Variants in CNTN3 observed in about 807,000 individuals in gnomAD.
The protein encoded by CNTN3 is contactin 3, also known as contactin-3.
A neutral mutation model predicts 119.1 loss-of-function variants in CNTN3; 60 were observed. The observed-to-expected ratio is 0.50, with a 90% CI of 0.41 to 0.62. The LOEUF (loss-of-function observed/expected upper bound fraction) is 0.62, where lower values mean the gene tolerates loss of function less well. CNTN3 is among the 20% of genes least tolerant of loss of function. CNTN3 has a pLI of 0.00. For synonymous variants in CNTN3, 450 were observed against 438.7 expected (o/e 1.03, Z -0.32); for missense variants, 1,101 against 1,242.4 (o/e 0.89, Z 1.71).
intron 13 of CNTN3, 86 bp downstream of exon 13, chr3:74,334,649 A>G (rs1703344217): frequency 8.4e-7 from 1 of 1,185,582 alleles, no homozygotes. Flanking sequence ...TTTCTAGAGC[A>G]TTGTCTATAT....
At chr3:74,438,971 C>A (rs1309667266) in intron 4 of CNTN3, among the ~76,000 whole-genome samples, 1 of 152,166 alleles carries the variant, frequency 6.6e-6, no homozygotes, top group Non-Finnish European at 1.5e-5. Flanking sequence ...ACACTTCACC[C>A]TGCAACAACT....
At chr3:74,388,892 G>C (rs1306405010) in intron 5 of CNTN3, among the ~76,000 whole-genome samples, 1 of 151,992 alleles carries the variant, frequency 6.6e-6, no homozygotes, top group African/African-American at 2.4e-5. Flanking sequence ...CATTTCTTAT[G>C]TTAGTTACCA....
At chr3:74,613,370 G>A (rs988522553) in intron 1 of CNTN3, among the ~76,000 whole-genome samples, 6 of 150,542 alleles carry the variant, frequency 4.0e-5, no homozygotes, top group African/African-American at 1.5e-4. Flanking sequence ...CCTCCCTCCT[G>A]CACATCACGC....
chr3:74,569,916 T>A (rs1009403110), intron 1 of CNTN3, among the ~76,000 whole-genome samples: 14 of 152,040 alleles, frequency 9.2e-5, no homozygotes, highest in African/African-American at 3.4e-4. Context: ...GGTGGTTGGG[T>A]TGGACAAAGG....
At chr3:74,388,377 C>T (rs1303442069) in intron 5 of CNTN3, among the ~76,000 whole-genome samples, 4 of 151,956 alleles carry the variant, frequency 2.6e-5, no homozygotes, top group African/African-American at 2.4e-5. Context: ...GAGTGGCTTT[C>T]GAATCACTGA....
intron 20 of CNTN3, among the ~76,000 whole-genome samples, chr3:74,284,373 AT>A (rs1417542281): frequency 1.3e-5 from 2 of 152,116 alleles, no homozygotes; most frequent in Non-Finnish European, 2.9e-5. Flanking sequence ...TAAGAAAACA[AT>A]TTTCTGCAAG....
intron 1 of CNTN3, among the ~76,000 whole-genome samples, chr3:74,584,908 C>T (rs191127592): frequency 3.9e-4 from 60 of 152,206 alleles, no homozygotes; most frequent in African/African-American, 1.4e-3. Context: ...TTCCATCTTC[C>T]ATCATAATAT....
chr3:74,449,898 T>G (rs1702116367), intron 4 of CNTN3, among the ~76,000 whole-genome samples: 1 of 152,160 alleles, frequency 6.6e-6, no homozygotes, highest in South Asian at 2.1e-4. Flanking sequence ...ATTTTAATGT[T>G]CTGGACCATA....
At chr3:74,576,612 C>T (rs1346976839) in intron 1 of CNTN3, among the ~76,000 whole-genome samples, 1 of 151,988 alleles carries the variant, frequency 6.6e-6, no homozygotes, top group Non-Finnish European at 1.5e-5. Context: ...AGTGATCACA[C>T]TTATTCTATT....
intron 1 of CNTN3, among the ~76,000 whole-genome samples, chr3:74,555,566 A>G (rs1418628532): frequency 1.3e-5 from 2 of 152,158 alleles, no homozygotes; most frequent in Non-Finnish European, 2.9e-5. Context: ...TTGGTAGGCT[A>G]TTAATTATTG....
chr3:74,506,059 CA>C (rs377088076), intron 2 of CNTN3, among the ~76,000 whole-genome samples: 4 of 152,280 alleles, frequency 2.6e-5, no homozygotes, highest in African/African-American at 9.6e-5. Context: ...CCTTTCAAAG[CA>C]TGGAGATTTT....
In CNTN3 at chr3:74,369,255, A is replaced by T. The variant is rs765680438; in HGVS notation, c.880T>A (p.Ser294Thr). The T allele has an allele frequency of 2.5e-6, 4 of 1,611,434 alleles. No homozygotes were observed. Among genetic ancestry groups the T allele is most frequent in the African/African-American group, 1.3e-5 (1 of 74,810 alleles). The stretch of plus-strand genomic sequence containing the variant: ...GAATTCTCAGCAATGCATTCATAGG[A>T]ACCTGCATCTTCCTGTTGGAAGTTG... Reference protein sequence around the residue: ...IPNFQQEDAGSYECIAENSRG... With the variant: ...IPNFQQEDAGTYECIAENSRG... The change falls in exon 8 of 23, where the codon TCC becomes ACC. Residue 294 changes from serine (S) to threonine (T), a missense_variant. Coordinates refer to ENST00000263665, the MANE Select transcript of CNTN3 (RefSeq NM_020872.3).
At chr3:74,295,908 C>A (rs1178377888) in intron 18 of CNTN3, among the ~76,000 whole-genome samples, 3 of 152,168 alleles carry the variant, frequency 2.0e-5, no homozygotes, top group Non-Finnish European at 4.4e-5. Flanking sequence ...GCTTCTCAGA[C>A]AAGGATCTTG....
chr3:74,584,747 T>A (rs1704566903), intron 1 of CNTN3, among the ~76,000 whole-genome samples: 1 of 152,222 alleles, frequency 6.6e-6, no homozygotes, highest in Admixed American at 6.5e-5. Context: ...TTGCATATGA[T>A]CCTTACAGCA....
chr3:74,325,504 A>AAAAATTTT (rs1703106608), intron 13 of CNTN3, among the ~76,000 whole-genome samples: 2 of 152,152 alleles, frequency 1.3e-5, no homozygotes, highest in African/African-American at 4.8e-5. Flanking sequence ...ATCTGTTGGC[A>AAAAATTTT]AAAATTTTAA....
At chr3:74,356,615 T>C (rs1025417804) in intron 11 of CNTN3, among the ~76,000 whole-genome samples, 3 of 152,228 alleles carry the variant, frequency 2.0e-5, no homozygotes, top group South Asian at 4.1e-4. Flanking sequence ...GCCTAGCATA[T>C]AGTAGGTACT....
intron 1 of CNTN3, among the ~76,000 whole-genome samples, chr3:74,583,822 AT>A (rs1395049186): frequency 4.6e-5 from 7 of 152,038 alleles, no homozygotes; most frequent in Admixed American, 2.6e-4. Context: ...CTTGTTTTCC[AT>A]TTTTCCCCCT....
chr3:74,540,475 A>C (rs972767093), intron 1 of CNTN3, among the ~76,000 whole-genome samples: 7 of 152,078 alleles, frequency 4.6e-5, no homozygotes, highest in Non-Finnish European at 7.4e-5. Context: ...GATGGTAAGC[A>C]CCTTAGTTAA....
chr3:74,398,359 A>G (rs1325040803), intron 5 of CNTN3, among the ~76,000 whole-genome samples: 9 of 152,234 alleles, frequency 5.9e-5, no homozygotes, highest in Admixed American at 5.9e-4. Context: ...ACCCTCTACT[A>G]GCAAAAAGTT....
Sources: gnomAD v4.1 joint callset for allele counts (sites outside exome capture counted in the v4.1 genomes callset) on GRCh38, gnomAD v4.1.1 for gene constraint, MANE v1.5 for transcripts, NCBI Gene and HGNC (gene_info 2026-07-23, HGNC 2026-07-21) for gene names.